CRB1: variants seen among roughly 807,000 people sequenced by gnomAD.
The protein encoded by CRB1 is protein crumbs homolog 1.
CRB1 carries 83 observed loss-of-function variants against 120.0 expected under a neutral mutation model. The observed-to-expected ratio is 0.69, with a 90% CI of 0.58 to 0.83. CRB1 has a LOEUF of 0.83. CRB1 is among the 40% of genes least tolerant of loss of function. The pLI is 0.00. For missense variants in CRB1, 1,699 were observed against 1,687.6 expected, an observed-to-expected ratio of 1.01 and a Z score of -0.12; for synonymous variants, 625 against 612.5, an observed-to-expected ratio of 1.02 and a Z score of -0.30.
chr1:197,453,429 TATA>T (rs1666072639), intron 11 of CRB1, among the ~76,000 whole-genome samples: 1 of 147,274 alleles, frequency 6.8e-6, no homozygotes, highest in Non-Finnish European at 1.5e-5. Flanking sequence ...TACTTACAAG[TATA>T]GTAGTATACT....
At chr1:197,293,374 C>G (rs1280756693) in intron 1 of CRB1, among the ~76,000 whole-genome samples, 1 of 152,074 alleles carries the variant, frequency 6.6e-6, no homozygotes, top group Non-Finnish European at 1.5e-5. Flanking sequence ...AGGACCTCTT[C>G]AAGGAGAACT....
At chr1:197,304,309 G>T (rs986355863) in intron 1 of CRB1, 1 of 602,710 alleles carries the variant, frequency 1.7e-6, no homozygotes, top group Non-Finnish European at 2.1e-6. Flanking sequence ...TTTTCTAATG[G>T]TTACATTTTA....
chr1:197,212,495 A>G, the CRB1 span, among the ~76,000 whole-genome samples: 1 of 152,170 alleles, frequency 6.6e-6, no homozygotes, highest in Non-Finnish European at 1.5e-5. Context: ...ACAAAATAAC[A>G]TGTTGAGTAA....
intron 5 of CRB1, among the ~76,000 whole-genome samples, chr1:197,415,641 C>CTTTTTTTTTT (rs55654070): frequency 3.2e-5 from 3 of 94,012 alleles, no homozygotes; most frequent in African/African-American, 8.7e-5. Flanking sequence ...TTTTTCTTTT[C>CTTTTTTTTTT]TTTTTTTTTT....
chr1:197,347,337 C>T lies in CRB1; in HGVS notation c.849-3C>T. The stretch of plus-strand genomic sequence containing the variant: ...TGACATGAAAATTTCATTTACTTTC[C>T]AGATATAGCTGTAACTGCACGGGTA... On this transcript the variant is annotated splice_polypyrimidine_tract_variant and splice_region_variant and intron_variant, in intron 3 of 11. Coordinates refer to ENST00000367400, the MANE Select transcript of CRB1 (RefSeq NM_201253.3). 6.2e-7 allele frequency: 1 copy of T among 1,613,246 alleles called. No homozygotes were observed. The highest frequency in any genetic ancestry group is 1.3e-5 in the African/African-American group (1 of 74,988).
At chr1:197,296,646 T>C (rs2125246784) in intron 1 of CRB1, among the ~76,000 whole-genome samples, 1 of 152,216 alleles carries the variant, frequency 6.6e-6, no homozygotes. Flanking sequence ...CAAGTTGATA[T>C]GGTTTGGCTG....
intron 1 of CRB1, among the ~76,000 whole-genome samples, chr1:197,294,213 A>G (rs1235817452): frequency 6.6e-6 from 1 of 152,168 alleles, no homozygotes; most frequent in Non-Finnish European, 1.5e-5. Flanking sequence ...AAACAAATTT[A>G]CAAGAAAAAA....
chr1:197,333,066 T>C (rs974285230), intron 2 of CRB1, among the ~76,000 whole-genome samples: 1 of 152,190 alleles, frequency 6.6e-6, no homozygotes, highest in African/African-American at 2.4e-5. Context: ...CATCCAAATT[T>C]AGAGTGATCA....
chr1:197,301,180 T>C (rs964793500), intron 1 of CRB1, among the ~76,000 whole-genome samples: 15 of 152,038 alleles, frequency 9.9e-5, no homozygotes, highest in Non-Finnish European at 1.0e-4. Flanking sequence ...TTTTTTTTTT[T>C]TTTAAGACCG....
At chr1:197,208,851 G>C in the CRB1 span, among the ~76,000 whole-genome samples, 48 of 152,066 alleles carry the variant, frequency 3.2e-4, no homozygotes, top group Admixed American at 3.1e-3. Flanking sequence ...CCATCAGGTG[G>C]GGGTAGGGTT....
At chr1:197,441,940 G>A (rs145489074) in intron 10 of CRB1, 137 of 552,348 alleles carry the variant, frequency 2.5e-4, no homozygotes, top group African/African-American at 2.1e-3. Flanking sequence ...AATTAATTCC[G>A]TGTGTATATG....
At chr1:197,308,794 C>T in intron 1 of CRB1, among the ~76,000 whole-genome samples, 1 of 150,944 alleles carries the variant, frequency 6.6e-6, no homozygotes, top group Admixed American at 6.6e-5. Context: ...TAGCATTTCA[C>T]AATATAATAA....
intron 5 of CRB1, chr1:197,363,943 C>T: frequency 3.8e-6 from 5 of 1,321,664 alleles, no homozygotes; most frequent in Admixed American, 1.7e-5. Flanking sequence ...TAAGCTTCGG[C>T]GGTATTATGA....
intron 5 of CRB1, among the ~76,000 whole-genome samples, chr1:197,376,935 C>T (rs1661680251): frequency 6.6e-6 from 1 of 152,126 alleles, no homozygotes; most frequent in Non-Finnish European, 1.5e-5. Flanking sequence ...GGCTGGGGGT[C>T]TTAAAGTTAC....
intron 1 of CRB1, among the ~76,000 whole-genome samples, chr1:197,324,368 T>C (rs190107026): frequency 1.3e-5 from 2 of 152,312 alleles, no homozygotes; most frequent in East Asian, 1.9e-4. Flanking sequence ...TGCTAGTCAA[T>C]AGACAAATAA....
chr1:197,274,451 T>G (rs376724255), intron 1 of CRB1, among the ~76,000 whole-genome samples: 1 of 152,172 alleles, frequency 6.6e-6, no homozygotes, highest in Non-Finnish European at 1.5e-5. Context: ...ATGGGATTTC[T>G]TTGATGTCCT....
chr1:197,467,841 C>T (rs1396384910), intron 11 of CRB1, among the ~76,000 whole-genome samples: 1 of 152,198 alleles, frequency 6.6e-6, no homozygotes, highest in Admixed American at 6.5e-5. Flanking sequence ...TGGTATAAGT[C>T]ATCAGCCTAG....
At chr1:197,205,031 A>G in the CRB1 span, among the ~76,000 whole-genome samples, 1 of 152,162 alleles carries the variant, frequency 6.6e-6, no homozygotes, top group African/African-American at 2.4e-5. Flanking sequence ...CTATTGTAAA[A>G]GGGTTTGAGT....
chr1:197,362,995 C>G (rs1463325242), intron 5 of CRB1, among the ~76,000 whole-genome samples: 2 of 152,024 alleles, frequency 1.3e-5, no homozygotes, highest in African/African-American at 4.8e-5. Context: ...GGGATTTCAT[C>G]TTGATTTCTG....
Sources: allele counts gnomAD v4.1 joint callset (sites outside exome capture counted in the v4.1 genomes callset), GRCh38; gene constraint gnomAD v4.1.1; transcripts MANE v1.5; gene names NCBI Gene and HGNC (gene_info 2026-07-23, HGNC 2026-07-21).